The following MAN1A1 variants were observed in gnomAD, a reference collection of about 807,000 sequenced individuals.
MAN1A1 encodes mannosyl-oligosaccharide 1,2-alpha-mannosidase IA.
In MAN1A1, 29 loss-of-function variants were observed where a neutral mutation model predicts 70.8. The observed-to-expected ratio is 0.41, with a 90% CI of 0.31 to 0.56. The LOEUF (loss-of-function observed/expected upper bound fraction) is 0.56. Among genes scored for constraint, MAN1A1 ranks in the 20% least tolerant of loss-of-function variants. MAN1A1 has a pLI of 0.29. For synonymous variants in MAN1A1, 349 were observed against 330.1 expected (o/e 1.06, Z -0.62); for missense variants, 747 against 841.3 (o/e 0.89, Z 1.39).
At chr6:119,291,909 C>A (rs1380610008) in intron 4 of MAN1A1, among the ~76,000 whole-genome samples, 1 of 151,928 alleles carries the variant, frequency 6.6e-6, no homozygotes, top group African/African-American at 2.4e-5. Context: ...CTCTTTTAGT[C>A]CTCACAATGA....
chr6:119,178,560 T>G lies in MAN1A1; in HGVS notation c.*1259A>C, dbSNP rs1219305086. On this transcript the variant is annotated 3_prime_UTR_variant, in exon 13 of 13. Coordinates refer to ENST00000368468, the MANE Select transcript of MAN1A1 (RefSeq NM_005907.4). ...TGAGAAAACCATTCCTATTTCAAAC[T>G]TAATGTTTAAAAGAATCATATATTG... The G allele has an allele frequency of 6.6e-6, 1 of 152,112 alleles. No homozygotes were observed. The highest frequency in any genetic ancestry group is 1.5e-5 in the Non-Finnish European group (1 of 67,962). The allele number at this position is 152,112 out of a possible 1,614,324, so 9.4% of individuals were successfully genotyped here. A position where few individuals can be genotyped will look rare whatever the true frequency, so the allele number is the denominator to read the frequency against.
At chr6:119,306,215 T>C (rs1772519732) in intron 3 of MAN1A1, among the ~76,000 whole-genome samples, 1 of 152,136 alleles carries the variant, frequency 6.6e-6, no homozygotes, top group Non-Finnish European at 1.5e-5. Flanking sequence ...ATTTTGAGGA[T>C]TAGAAAGAAA....
intron 6 of MAN1A1, among the ~76,000 whole-genome samples, chr6:119,246,233 C>T (rs1775163767): frequency 6.6e-6 from 1 of 152,108 alleles, no homozygotes; most frequent in South Asian, 2.1e-4. Context: ...AGGCCTTTCT[C>T]CAATTTCATT....
At chr6:119,333,981 A>G (rs1230923619) in intron 2 of MAN1A1, among the ~76,000 whole-genome samples, 2 of 152,210 alleles carry the variant, frequency 1.3e-5, no homozygotes, top group African/African-American at 2.4e-5. Context: ...GCTTTAAGCA[A>G]GAAGCAGATG....
chr6:119,287,431 A>G (rs968873791), intron 5 of MAN1A1, among the ~76,000 whole-genome samples: 8 of 152,062 alleles, frequency 5.3e-5, no homozygotes, highest in African/African-American at 1.9e-4. Flanking sequence ...GTCATATTTT[A>G]CACGTTTTGC....
intron 3 of MAN1A1, among the ~76,000 whole-genome samples, chr6:119,306,409 T>G (rs773439499): frequency 8.5e-5 from 13 of 152,302 alleles, no homozygotes; most frequent in Middle Eastern, 3.4e-3. Flanking sequence ...GAAGTTCAAT[T>G]AACCTAATCC....
At chr6:119,261,579 C>T (rs1775614810) in intron 5 of MAN1A1, among the ~76,000 whole-genome samples, 1 of 152,134 alleles carries the variant, frequency 6.6e-6, no homozygotes, top group Non-Finnish European at 1.5e-5. Flanking sequence ...TTCCACTCCT[C>T]TTCAAAAAGA....
chr6:119,325,030 A>G (rs1364819553), intron 2 of MAN1A1, among the ~76,000 whole-genome samples: 1 of 152,206 alleles, frequency 6.6e-6, no homozygotes, highest in Non-Finnish European at 1.5e-5. Context: ...TTTAGAGCCA[A>G]TGGTTAAAGC....
At chr6:119,295,404 T>A (rs1772180123) in intron 4 of MAN1A1, among the ~76,000 whole-genome samples, 1 of 151,898 alleles carries the variant, frequency 6.6e-6, no homozygotes, top group Non-Finnish European at 1.5e-5. Flanking sequence ...ATTCAGCCAG[T>A]TTCCTTTTGC....
chr6:119,331,570 C>CATATACATATATAT (rs1773312967), intron 2 of MAN1A1, among the ~76,000 whole-genome samples: 1 of 117,972 alleles, frequency 8.5e-6, no homozygotes, highest in Non-Finnish European at 1.8e-5. Context: ...ACATATTATG[C>CATATACATATATAT]ATATATATAT....
At chr6:119,299,723 T>C (rs1772333170) in intron 4 of MAN1A1, among the ~76,000 whole-genome samples, 1 of 152,196 alleles carries the variant, frequency 6.6e-6, no homozygotes, top group Admixed American at 6.5e-5. Context: ...TGATATCCCC[T>C]ACTAAATTCA....
chr6:119,218,385 T>C (rs998131517), intron 6 of MAN1A1, among the ~76,000 whole-genome samples: 1 of 152,298 alleles, frequency 6.6e-6, no homozygotes, highest in Non-Finnish European at 1.5e-5. Context: ...TAGTAGTATA[T>C]ACAGTATGTA....
At chr6:119,350,202 T>A (rs1206427051), upstream of MAN1A1, among the ~76,000 whole-genome samples, 2 of 151,834 alleles carry the variant, frequency 1.3e-5, no homozygotes, top group Non-Finnish European at 2.9e-5. Flanking sequence ...CCCGAGGGGG[T>A]CCCGGGAAAG....
chr6:119,322,686 C>G (rs187072295), intron 2 of MAN1A1, among the ~76,000 whole-genome samples: 1 of 152,162 alleles, frequency 6.6e-6, no homozygotes, highest in Non-Finnish European at 1.5e-5. Flanking sequence ...CGTCTCTTTT[C>G]CCCAGATCAA....
intron 5 of MAN1A1, among the ~76,000 whole-genome samples, chr6:119,252,271 T>C (rs1562211432): frequency 6.6e-6 from 1 of 152,228 alleles, no homozygotes; most frequent in Non-Finnish European, 1.5e-5. Flanking sequence ...GTGGTTATGT[T>C]ACATATAATT....
At chr6:119,220,074 A>G (rs1458084155) in intron 6 of MAN1A1, among the ~76,000 whole-genome samples, 10 of 152,144 alleles carry the variant, frequency 6.6e-5, no homozygotes, top group Non-Finnish European at 1.5e-4. Flanking sequence ...TGTTCTCTTT[A>G]TTCCATCATA....
chr6:119,181,219 CAGAA>C (rs1344372843), intron 11 of MAN1A1, among the ~76,000 whole-genome samples: 1 of 152,138 alleles, frequency 6.6e-6, no homozygotes, highest in African/African-American at 2.4e-5. Context: ...TGGCCCTTAA[CAGAA>C]AGAGTTTGCT....
At chr6:119,342,424 C>A (rs1042685382) in intron 2 of MAN1A1, among the ~76,000 whole-genome samples, 1 of 152,156 alleles carries the variant, frequency 6.6e-6, no homozygotes, top group Non-Finnish European at 1.5e-5. Flanking sequence ...CACTTCATGT[C>A]TGATACCATT....
chr6:119,194,829 C>T lies in MAN1A1; in HGVS notation c.1211-937G>A, dbSNP rs561986276. On this transcript the variant is annotated intron_variant, in intron 8 of 12. Coordinates refer to ENST00000368468, the MANE Select transcript of MAN1A1 (RefSeq NM_005907.4). ...CTCACAACTGTAGGATAGGTATCTT[C>T]ATTTTTTTTCTTTTTTTTTTTTGAG... Among the ~76,000 whole-genome samples, 414 of 113,924 alleles carry T rather than the reference C, an allele frequency of 3.6e-3. 4 individuals are homozygous for T. Among genetic ancestry groups the T allele is most frequent in the African/African-American group, 0.011 (381 of 35,666 alleles). 74.7% of individuals were successfully genotyped at this position (113,924 alleles called of 152,430 possible).
Sources: allele counts gnomAD v4.1 joint callset (sites outside exome capture counted in the v4.1 genomes callset), GRCh38; gene constraint gnomAD v4.1.1; transcripts MANE v1.5; gene names NCBI Gene and HGNC (gene_info 2026-07-23, HGNC 2026-07-21).